Variants in GUCY1A2 observed in about 807,000 individuals in gnomAD.
GUCY1A2 encodes guanylate cyclase 1 soluble subunit alpha 2, also known as guanylate cyclase soluble subunit alpha-2.
A neutral mutation model predicts 63.5 loss-of-function variants in GUCY1A2; 27 were observed. The observed-to-expected ratio is 0.43, with a 90% CI of 0.31 to 0.59. The LOEUF (loss-of-function observed/expected upper bound fraction) is 0.59. Ranked by LOEUF, GUCY1A2 falls within the 20% of genes least tolerant of loss-of-function variation. GUCY1A2 has a pLI of 0.11. For synonymous variants in GUCY1A2, 364 were observed against 343.5 expected (o/e 1.06, Z -0.66); for missense variants, 768 against 913.3 (o/e 0.84, Z 2.05).
intron 1 of GUCY1A2, among the ~76,000 whole-genome samples, chr11:107,005,455 G>A (rs1861659409): frequency 6.6e-6 from 1 of 152,000 alleles, no homozygotes; most frequent in Non-Finnish European, 1.5e-5. Context: ...CAGTATTTTT[G>A]TAGAGACAAG....
chr11:106,846,692 C>T (rs374271090), intron 4 of GUCY1A2, among the ~76,000 whole-genome samples: 154 of 151,692 alleles, frequency 1.0e-3, no homozygotes, highest in Non-Finnish European at 1.6e-3. Context: ...TTTCCTTCAT[C>T]TTTGCTTCTT....
chr11:106,907,915 T>A (rs1002044930), intron 4 of GUCY1A2, among the ~76,000 whole-genome samples: 1 of 152,138 alleles, frequency 6.6e-6, no homozygotes, highest in African/African-American at 2.4e-5. Flanking sequence ...TGTAAGTTTA[T>A]CCACACAATC....
intron 4 of GUCY1A2, among the ~76,000 whole-genome samples, chr11:106,847,136 T>C (rs1859284195): frequency 6.6e-6 from 1 of 150,760 alleles, no homozygotes; most frequent in South Asian, 2.1e-4. Flanking sequence ...ATTATATAAA[T>C]CCATTCACTC....
chr11:106,774,588 C>A (rs960987873), intron 6 of GUCY1A2, among the ~76,000 whole-genome samples: 6 of 150,684 alleles, frequency 4.0e-5, no homozygotes, highest in African/African-American at 1.5e-4. Flanking sequence ...TGATTGACAT[C>A]TTTTAATAGT....
chr11:106,895,946 G>A (rs7944683), intron 4 of GUCY1A2, among the ~76,000 whole-genome samples: 36,139 of 150,938 alleles, frequency 0.24, 4,421 homozygotes, highest in African/African-American at 0.29. Context: ...CCTGGAAGGC[G>A]AAGGTTTCAG....
chr11:106,711,504 C>T (rs1462156728), intron 6 of GUCY1A2, among the ~76,000 whole-genome samples: 3 of 152,136 alleles, frequency 2.0e-5, no homozygotes, highest in African/African-American at 7.2e-5. Context: ...TGCCAGGCTG[C>T]TCTATTCCCC....
intron 1 of GUCY1A2, among the ~76,000 whole-genome samples, chr11:106,993,742 G>C (rs1334320627): frequency 1.3e-5 from 2 of 152,174 alleles, no homozygotes; most frequent in Non-Finnish European, 2.9e-5. Context: ...TCATCTTCAA[G>C]TACAGCACTG....
chr11:106,968,122 C>T (rs928890317), intron 3 of GUCY1A2, among the ~76,000 whole-genome samples: 6 of 152,160 alleles, frequency 3.9e-5, no homozygotes, highest in African/African-American at 9.7e-5. Flanking sequence ...CAGGATTAGC[C>T]TTGGAGTTAA....
chr11:106,936,683 C>T (rs1049862212), intron 4 of GUCY1A2: 21 of 1,531,408 alleles, frequency 1.4e-5, no homozygotes, highest in Admixed American at 5.9e-5. Flanking sequence ...CTGATAACTG[C>T]GTCAGATGCC....
intron 6 of GUCY1A2, among the ~76,000 whole-genome samples, chr11:106,712,514 T>C (rs1203262994): frequency 6.6e-6 from 1 of 151,558 alleles, no homozygotes; most frequent in African/African-American, 2.4e-5. Flanking sequence ...GAGTCCCATG[T>C]CTCAGATTTT....
At chr11:106,942,696 A>G (rs1860767038) in intron 3 of GUCY1A2, among the ~76,000 whole-genome samples, 1 of 152,212 alleles carries the variant, frequency 6.6e-6, no homozygotes, top group Admixed American at 6.5e-5. Context: ...GTTATGGTGC[A>G]CACAAATGTA....
In GUCY1A2 at chr11:106,940,107, T is replaced by A. The variant is rs528016413; in HGVS notation, c.559A>T (p.Arg187Ter). The stretch of plus-strand genomic sequence containing the variant: ...GTGCCACCTACAGCTCGAAGGACTC[T>A]CTCATTCTCATGAAAGCATATATTA... Reference protein sequence around the residue: ...FFNICFHENERVLRAVGGTLQ... With the variant: ...FFNICFHENE Residue 187 changes from arginine (R) to a stop codon, truncating the protein, a stop_gained, in exon 4 of 8, where the codon AGA becomes TGA. Transcript: ENST00000526355. LOFTEE classifies it high-confidence loss of function. 1 of 1,612,982 alleles carries A rather than the reference T, an allele frequency of 6.2e-7. No homozygotes were observed. The highest frequency in any genetic ancestry group is 1.3e-5 in the African/African-American group (1 of 75,020).
chr11:106,820,571 G>A (rs1017918922), intron 4 of GUCY1A2, among the ~76,000 whole-genome samples: 3 of 152,002 alleles, frequency 2.0e-5, no homozygotes, highest in African/African-American at 7.2e-5. Context: ...GCTAATTTTT[G>A]TATTTTTAGT....
rs186761626 is a variant in GUCY1A2 at position 106,729,006 on chromosome 11, C to A, written c.1837-20340G>T. ...TTTATTTCACTTATTCATTCATTCA[C>A]CAAATATTTGTTGAGTTTGTAATAC... On this transcript the variant is annotated intron_variant, in intron 6 of 7. Coordinates refer to ENST00000526355, the MANE Select transcript of GUCY1A2 (RefSeq NM_000855.3). Among the ~76,000 whole-genome samples the A allele has an allele frequency of 1.8e-4, 28 of 152,170 alleles. 1 individual carries two copies. The highest frequency in any genetic ancestry group is 1.1e-3 in the Admixed American group (17 of 15,276).
In GUCY1A2 at chr11:106,709,540, AT is replaced by A. The variant is rs1863019955; in HGVS notation, c.1837-875del. On this transcript the variant is annotated intron_variant, in intron 6 of 7. Coordinates refer to ENST00000526355, the MANE Select transcript of GUCY1A2 (RefSeq NM_000855.3). Reference sequence around the variant, plus strand: ...TATAAATATAATAATAATATAATATATTATATTATTATATAAATATGTTATA... The same window carrying A: ...TATAAATATAATAATAATATAATATATATATTATTATATAAATATGTTATA... Among the ~76,000 whole-genome samples the A allele has an allele frequency of 4.6e-5, 3 of 65,330 alleles. 1 individual carries two copies. The highest frequency in any genetic ancestry group is 7.3e-5 in the Non-Finnish European group (3 of 41,192). The allele number at this position is 65,330 out of a possible 152,430, so 42.9% of individuals were successfully genotyped here. A position where few individuals can be genotyped will look rare whatever the true frequency, so the allele number is the denominator to read the frequency against.
intron 4 of GUCY1A2, among the ~76,000 whole-genome samples, chr11:106,866,269 G>A (rs1012799579): frequency 6.6e-6 from 1 of 151,920 alleles, no homozygotes; most frequent in Admixed American, 6.6e-5. Context: ...AAGAAGGAAG[G>A]GAGGACAGGA....
chr11:106,776,774 A>C lies in GUCY1A2; in HGVS notation c.1693-192T>G, dbSNP rs563627780. ...CAGTCAAATACTGACATCTCACTCC[A>C]GGGTTGTTCATTAACATTATCACTA... On this transcript the variant is annotated intron_variant, in intron 5 of 7. Transcript: ENST00000526355. Among the ~76,000 whole-genome samples the C allele has an allele frequency of 7.9e-5, 12 of 152,338 alleles. No homozygotes were observed. In the South Asian group the frequency reaches 2.5e-3, roughly 32 times the overall value.
chr11:106,787,394 G>A (rs1346798370), intron 5 of GUCY1A2, among the ~76,000 whole-genome samples: 3 of 117,082 alleles, frequency 2.6e-5, no homozygotes, highest in Non-Finnish European at 5.1e-5. Context: ...AAGTGAGAAC[G>A]TGGGAAATTT....
chr11:106,878,798 A>AAAAG (rs1859786020), intron 4 of GUCY1A2, among the ~76,000 whole-genome samples: 1 of 151,294 alleles, frequency 6.6e-6, no homozygotes, highest in Non-Finnish European at 1.5e-5. Context: ...AAAAAAAAAA[A>AAAAG]AAGAAGAAGT....
Sources: allele counts gnomAD v4.1 joint callset (sites outside exome capture counted in the v4.1 genomes callset), GRCh38; gene constraint gnomAD v4.1.1; transcripts MANE v1.5; gene names NCBI Gene and HGNC (gene_info 2026-07-23, HGNC 2026-07-21).